The following NUP205 variants were observed in gnomAD, a reference collection of about 807,000 sequenced individuals.
NUP205 encodes the protein nucleoporin 205, also known as nuclear pore complex protein Nup205.
Under a neutral mutation model 253.8 loss-of-function variants are expected in NUP205, and 76 were observed. The ratio of observed to expected loss-of-function variants is 0.30; its 90% CI spans 0.25 to 0.36. The LOEUF is 0.36. NUP205 is among the 10% of genes least tolerant of loss of function. The probability of loss-of-function intolerance (pLI) is 1.00; values close to 1 mark genes in which losing one functional copy is unlikely to be tolerated. For synonymous variants in NUP205, 832 were observed against 850.1 expected (o/e 0.98, Z 0.37); for missense variants, 2,162 against 2,425.5 (o/e 0.89, Z 2.28).
At chr7:135,604,663 A>G (rs1794048358) in intron 19 of NUP205, among the ~76,000 whole-genome samples, 1 of 152,226 alleles carries the variant, frequency 6.6e-6, no homozygotes, top group Non-Finnish European at 1.5e-5. Context: ...TCACAGTGAT[A>G]CTGCATAATT....
rs1584681101 is a variant in NUP205, at chr7:135,623,067, T to C, written c.4479+142T>C. 22 of 757,354 alleles carry C rather than the reference T, an allele frequency of 2.9e-5. No homozygotes were observed. The East Asian group carries it at 5.3e-4, about 18-fold the overall frequency. The allele number at this position is 757,354 out of a possible 1,614,324, so 46.9% of individuals were successfully genotyped here. On this transcript the variant is annotated intron_variant, in intron 31 of 42. Coordinates refer to ENST00000285968, the MANE Select transcript of NUP205 (RefSeq NM_015135.3). ...CCAAGGTGGGTGGATTTCTTGAGTATAGGAGTTTGAGACTAGCCTGGGCAA... is the reference window on the plus strand; with the variant it reads ...CCAAGGTGGGTGGATTTCTTGAGTACAGGAGTTTGAGACTAGCCTGGGCAA...
At chr7:135,601,816 C>T (rs1793972539) in intron 17 of NUP205, among the ~76,000 whole-genome samples, 1 of 152,112 alleles carries the variant, frequency 6.6e-6, no homozygotes, top group Non-Finnish European at 1.5e-5. Flanking sequence ...CATCCCCCAC[C>T]TCATAATATT....
At chr7:135,606,281 A>G in intron 20 of NUP205, 55 bp downstream of exon 20, 1 of 1,103,532 alleles carries the variant, frequency 9.1e-7, no homozygotes, top group South Asian at 1.3e-5. Flanking sequence ...ATATATGCTT[A>G]ATTTAAAGAA....
intron 40 of NUP205, 66 bp from the exon 41 acceptor site, chr7:135,645,402 C>T: frequency 6.5e-7 from 1 of 1,532,488 alleles, no homozygotes; most frequent in South Asian, 1.2e-5. Flanking sequence ...TTTTCTTCTC[C>T]TCCGAAACTG....
rs145671518 is a variant in NUP205 at position 135,616,035 on chromosome 7, C to G, written c.3430C>G (p.Leu1144Val). 1.2e-3 allele frequency: 1,995 copies of G among 1,613,688 alleles called. 20 individuals carry two copies. In the East Asian group the frequency reaches 0.03, roughly 24 times the overall value. The change falls in exon 24 of 43, where the codon CTG becomes GTG. Residue 1144 changes from leucine to valine, a missense_variant. By Grantham distance (32) the Leu-to-Val change is conservative. Coordinates refer to ENST00000285968, the MANE Select transcript of NUP205 (RefSeq NM_015135.3). ...SHTQRLLHLL[L>V]DDMPVKPYSD... is the part of the protein sequence containing the mutation. ...TACCCAGAGGCTCCTACACCTCTTA[C>G]TGGATGACATGCCAGTGAAACCATA...
At chr7:135,604,652 T>C (rs911854591) in intron 19 of NUP205, among the ~76,000 whole-genome samples, 192 bp downstream of exon 19, 5 of 152,230 alleles carry the variant, frequency 3.3e-5, no homozygotes, top group African/African-American at 1.2e-4. Context: ...GATAATGCTA[T>C]TCACAGTGAT....
chr7:135,639,631 C>G (rs1308414715), intron 38 of NUP205, among the ~76,000 whole-genome samples: 1 of 150,020 alleles, frequency 6.7e-6, no homozygotes, highest in Non-Finnish European at 1.5e-5. Context: ...GCGGAGGTTG[C>G]GGTGAGCTGA....
intron 2 of NUP205, 51 bp from the exon 3 acceptor site, chr7:135,573,603 C>T (rs1806060176): frequency 7.0e-7 from 1 of 1,423,754 alleles, no homozygotes; most frequent in African/African-American, 1.4e-5. Context: ...CACTTTGGGA[C>T]CTTGTCTCCA....
chr7:135,618,370 A>G (rs770920616), intron 27 of NUP205, 42 bp from the exon 28 acceptor site: 19 of 1,524,732 alleles, frequency 1.2e-5, no homozygotes, highest in Non-Finnish European at 1.7e-5. Flanking sequence ...AACTGATCTT[A>G]TTTGCCTGTT....
intron 21 of NUP205, 145 bp downstream of exon 21, chr7:135,607,060 GC>G: frequency 1.8e-6 from 2 of 1,126,116 alleles, no homozygotes; most frequent in South Asian, 3.1e-5. Context: ...GTTCTTTAGG[GC>G]TTAGAACAAG....
chr7:135,608,483 G>A lies in NUP205; in HGVS notation c.3195+1112G>A, dbSNP rs567753757. 3.3e-5 allele frequency among the ~76,000 whole-genome samples: 5 copies of A among 152,142 alleles called. No homozygotes were observed. In the East Asian group the frequency reaches 9.7e-4, roughly 30 times the overall value. On this transcript the variant is annotated intron_variant, in intron 22 of 42. Coordinates refer to ENST00000285968, the MANE Select transcript of NUP205 (RefSeq NM_015135.3). ...GCACTTTGGGAGGCTGAGGTGGTCT[G>A]GATCACTTGAGGCCAGGAGTTGGAG...
At chr7:135,558,030 G>C in intron 1 of NUP205, 58 bp downstream of exon 1, 3 of 1,430,330 alleles carry the variant, frequency 2.1e-6, no homozygotes, top group South Asian at 2.3e-5. Flanking sequence ...TCTTCATGGA[G>C]AGACGAGACC....
intron 22 of NUP205, among the ~76,000 whole-genome samples, chr7:135,610,645 T>C (rs145606905): frequency 6.6e-6 from 1 of 152,350 alleles, no homozygotes; most frequent in African/African-American, 2.4e-5. Flanking sequence ...AGTCAGGATC[T>C]GCATTTTTAC....
At chr7:135,592,627 C>T (rs1260763069) in intron 11 of NUP205, among the ~76,000 whole-genome samples, 3 of 152,226 alleles carry the variant, frequency 2.0e-5, no homozygotes, top group African/African-American at 4.8e-5. Context: ...TGGCTCATGC[C>T]TGTAATCCCA....
chr7:135,560,139 T>G (rs1249985661), intron 1 of NUP205, among the ~76,000 whole-genome samples: 1 of 152,144 alleles, frequency 6.6e-6, no homozygotes. Context: ...ATTACAGGTG[T>G]GAGCCACTGC....
chr7:135,600,343 A>G (rs1486836470), intron 15 of NUP205, among the ~76,000 whole-genome samples: 2 of 152,298 alleles, frequency 1.3e-5, no homozygotes, highest in Admixed American at 6.5e-5. Flanking sequence ...ATAGTCACGG[A>G]TGGAACCCTG....
intron 13 of NUP205, among the ~76,000 whole-genome samples, chr7:135,595,136 G>A (rs1563120915): frequency 6.6e-6 from 1 of 152,010 alleles, no homozygotes; most frequent in Non-Finnish European, 1.5e-5. Context: ...CCAGAAGAGT[G>A]AAGTATCTCT....
intron 22 of NUP205, among the ~76,000 whole-genome samples, chr7:135,609,602 C>T (rs1221022907): frequency 1.3e-5 from 2 of 151,660 alleles, no homozygotes; most frequent in Admixed American, 6.6e-5. Context: ...GAGCCGAGAT[C>T]GCACCACTGC....
intron 1 of NUP205, among the ~76,000 whole-genome samples, chr7:135,568,376 A>G (rs1026235575): frequency 4.0e-5 from 6 of 151,276 alleles, no homozygotes; most frequent in African/African-American, 1.5e-4. Context: ...TCTGTCACCC[A>G]GGCTGGAGTG....
Sources: allele counts gnomAD v4.1 joint callset (sites outside exome capture counted in the v4.1 genomes callset), GRCh38; gene constraint gnomAD v4.1.1; transcripts MANE v1.5; gene names NCBI Gene and HGNC (gene_info 2026-07-23, HGNC 2026-07-21).